The following SBNO2 variants were observed in gnomAD, a reference collection of about 807,000 sequenced individuals.
SBNO2 encodes strawberry notch homolog 2.
Under a neutral mutation model 146.3 loss-of-function variants are expected in SBNO2, and 89 were observed. The observed-to-expected ratio is 0.61, with a 90% CI of 0.51 to 0.73. The LOEUF (loss-of-function observed/expected upper bound fraction) is 0.73. SBNO2 is among the 30% of genes least tolerant of loss of function. The pLI, the probability that SBNO2 is intolerant of heterozygous loss-of-function variation, is 0.00. For synonymous variants in SBNO2, 1,147 were observed against 892.6 expected, an observed-to-expected ratio of 1.29 and a Z score of -5.08; for missense variants, 2,092 against 2,003.7, an observed-to-expected ratio of 1.04 and a Z score of -0.84.
At chr19:1,165,658 CCCAGACCCCAGACCCCAG>C (rs1425645811) in intron 1 of SBNO2, among the ~76,000 whole-genome samples, 5 of 145,522 alleles carry the variant, frequency 3.4e-5, no homozygotes, top group African/African-American at 1.2e-4. Flanking sequence ...ATCCCTAGAT[CCCAGACCCCAGACCCCAG>C]TACCCAGACC....
intron 4 of SBNO2, among the ~76,000 whole-genome samples, chr19:1,138,164 G>C (rs1299802656): frequency 1.0e-5 from 1 of 96,006 alleles, no homozygotes; most frequent in East Asian, 3.1e-4. Flanking sequence ...GGCTCAGGCT[G>C]GGGGGAGGCT....
intron 4 of SBNO2, among the ~76,000 whole-genome samples, chr19:1,135,826 G>T (rs1002422280): frequency 6.6e-6 from 1 of 152,112 alleles, no homozygotes; most frequent in African/African-American, 2.4e-5. Context: ...GGTGGTCGTG[G>T]GGCACAGGTG....
chr19:1,122,353 T>C, intron 10 of SBNO2, 71 bp from the exon 11 acceptor site: 1 of 1,513,990 alleles, frequency 6.6e-7, no homozygotes, highest in Non-Finnish European at 8.9e-7. Flanking sequence ...TCTCCCTATC[T>C]GTAAGGGTGC....
rs1290508670 is a variant in SBNO2, at chr19:1,108,509, G to C, written c.3812C>G (p.Pro1271Arg). The C allele has an allele frequency of 2.0e-5, 24 of 1,219,880 alleles. No individual in the cohort carries two copies. The South Asian group carries it at 4.7e-4, about 24-fold the overall frequency. 75.6% of individuals were successfully genotyped at this position (1,219,880 alleles called of 1,614,324 possible). ...CGGCGCCGGGAAAGAGAAGTGCGGGGGCGGCGGGAAGGCCTCGGCCGGGGG... is the reference window on the plus strand; with the variant it reads ...CGGCGCCGGGAAAGAGAAGTGCGGGCGCGGCGGGAAGGCCTCGGCCGGGGG... ...YSPPAEAFPP[P>R]PHFSFPAPLS... is the part of the protein sequence containing the mutation. Residue 1271 changes from proline (P) to arginine (R), a missense_variant, in exon 32 of 32, where the codon CCC becomes CGC. Coordinates refer to ENST00000361757, the MANE Select transcript of SBNO2 (RefSeq NM_014963.3).
intron 1 of SBNO2, among the ~76,000 whole-genome samples, chr19:1,160,686 C>T (rs1178222396): frequency 6.6e-6 from 1 of 152,156 alleles, no homozygotes; most frequent in Non-Finnish European, 1.5e-5. Context: ...CCCGCCACCA[C>T]GGCCCGGATA....
chr19:1,124,099 A>G, intron 5 of SBNO2, 77 bp from the exon 6 acceptor site: 1 of 1,376,162 alleles, frequency 7.3e-7, no homozygotes, highest in Non-Finnish European at 1.0e-6. Flanking sequence ...CCTGGCCACC[A>G]GAGGGAGGCT....
intron 3 of SBNO2, 118 bp downstream of exon 3, chr19:1,149,251 C>T: frequency 2.1e-6 from 2 of 933,552 alleles, no homozygotes; most frequent in Non-Finnish European, 1.7e-6. Flanking sequence ...GCACACCACC[C>T]TCCAAACCCC....
chr19:1,131,455 G>C (rs573250002), intron 4 of SBNO2, among the ~76,000 whole-genome samples: 1 of 152,120 alleles, frequency 6.6e-6, no homozygotes, highest in East Asian at 1.9e-4. Flanking sequence ...GGCTCTGCCC[G>C]CTTCAAAAGC....
intron 7 of SBNO2, 63 bp downstream of exon 7, chr19:1,123,471 G>A (rs565857286): frequency 4.2e-6 from 6 of 1,412,796 alleles, no homozygotes; most frequent in East Asian, 2.3e-5. Context: ...GTCACCTGCA[G>A]GGTCTCGGTC....
intron 1 of SBNO2, among the ~76,000 whole-genome samples, chr19:1,162,755 A>G (rs939114451): frequency 1.3e-5 from 2 of 152,182 alleles, no homozygotes; most frequent in African/African-American, 4.8e-5. Flanking sequence ...AGAGAAACGG[A>G]GACCAGGAAC....
chr19:1,126,488 G>C lies in SBNO2; in HGVS notation c.441+1116C>G, dbSNP rs1438666359. 6.6e-6 allele frequency among the ~76,000 whole-genome samples: 1 copy of C among 152,168 alleles called. No homozygotes were observed. The highest frequency in any genetic ancestry group is 2.4e-5 in the African/African-American group (1 of 41,440). ...GGCCCCGGGCTGGGTGAAATGCTCT[G>C]CTGGGCCCTTGTGCCAGAGGGACCA... On this transcript the variant is annotated intron_variant, in intron 5 of 31. Coordinates refer to ENST00000361757, the MANE Select transcript of SBNO2 (RefSeq NM_014963.3). The surrounding 1 kb of genome is among the most constrained non-coding windows in gnomAD (Gnocchi z 4.4).
rs1288444458 is a variant in SBNO2, at chr19:1,136,975, G to A, written c.280-9210C>T. On this transcript the variant is annotated intron_variant, in intron 4 of 31. Transcript: ENST00000361757. The surrounding 1 kb of genome is among the most constrained non-coding windows in gnomAD (Gnocchi z 4.2). ...TCACAGGACAGGTGGTGGGCAAGGGGGCAGCACCTGGGGAATGGGGATGGG... is the reference window on the plus strand; with the variant it reads ...TCACAGGACAGGTGGTGGGCAAGGGAGCAGCACCTGGGGAATGGGGATGGG... Among the ~76,000 whole-genome samples the A allele has an allele frequency of 6.8e-6, 1 of 146,578 alleles. No homozygotes were observed. Among genetic ancestry groups the A allele is most frequent in the Non-Finnish European group, 1.5e-5 (1 of 67,918 alleles).
At chr19:1,119,766 G>T in intron 12 of SBNO2, 140 bp downstream of exon 12, 1 of 948,580 alleles carries the variant, frequency 1.1e-6, no homozygotes, top group Non-Finnish European at 1.6e-6. Flanking sequence ...CCTTGGGACA[G>T]GCGCAGAGGT....
At chr19:1,146,960 T>C (rs529984260) in intron 4 of SBNO2, among the ~76,000 whole-genome samples, 1 of 152,234 alleles carries the variant, frequency 6.6e-6, no homozygotes, top group South Asian at 2.1e-4. Context: ...GTGCAGGGTG[T>C]CTGGACCCGC....
In SBNO2 at chr19:1,170,785, G is replaced by A. The variant is rs186682374; in HGVS notation, c.-127+3387C>T. 2.0e-3 allele frequency among the ~76,000 whole-genome samples: 301 copies of A among 151,670 alleles called. 1 individual carries two copies. The highest frequency in any genetic ancestry group is 7.2e-3 in the African/African-American group (298 of 41,346). ...ACGGACACAGGTGCACAGGCAACAT[G>A]CGGGCACACACAACATGCACACAAA... On this transcript the variant is annotated intron_variant, in intron 1 of 31. Transcript: ENST00000361757.
At chr19:1,132,286 C>T (rs535956341) in intron 4 of SBNO2, 1 of 1,310,106 alleles carries the variant, frequency 7.6e-7, no homozygotes, top group Non-Finnish European at 9.7e-7. Context: ...GTTTAGTCAC[C>T]GCCGCCGGCG....
chr19:1,113,795 AG>A, intron 18 of SBNO2, 91 bp from the exon 19 acceptor site: 1 of 1,378,400 alleles, frequency 7.3e-7, no homozygotes, highest in Middle Eastern at 2.6e-4. Context: ...GGCAAGGACA[AG>A]GGGCCCGGGG....
chr19:1,115,928 G>A (rs1156895958), intron 17 of SBNO2, 93 bp downstream of exon 17: 2 of 1,021,030 alleles, frequency 2.0e-6, no homozygotes, highest in Middle Eastern at 2.0e-4. Flanking sequence ...TGAGTGGACG[G>A]GGGAGTGGGG....
intron 1 of SBNO2, among the ~76,000 whole-genome samples, chr19:1,162,353 G>C (rs372108710): frequency 6.7e-6 from 1 of 148,854 alleles, no homozygotes; most frequent in Non-Finnish European, 1.5e-5. Context: ...CCAGCTACTC[G>C]GGAGGCCGAG....
Sources: allele counts gnomAD v4.1 joint callset (sites outside exome capture counted in the v4.1 genomes callset), GRCh38; gene constraint gnomAD v4.1.1; non-coding constraint Gnocchi (gnomAD v3.1); transcripts MANE v1.5; gene names NCBI Gene and HGNC (gene_info 2026-07-23, HGNC 2026-07-21).